VSNL1: variants seen among roughly 807,000 people sequenced by gnomAD.
VSNL1 encodes the protein visinin-like protein 1.
Under a neutral mutation model 20.4 loss-of-function variants are expected in VSNL1, and 6 were observed. The observed-to-expected ratio is 0.29, with a 90% CI of 0.16 to 0.58. VSNL1 has a LOEUF of 0.58. Among genes scored for constraint, VSNL1 ranks in the 20% least tolerant of loss-of-function variants. The pLI is 0.90. For synonymous variants in VSNL1, 93 were observed against 86.4 expected, an observed-to-expected ratio of 1.08 and a Z score of -0.42; for missense variants, 100 against 234.5, an observed-to-expected ratio of 0.43 and a Z score of 3.75.
chr2:17,628,399 T>C (rs1199589149), intron 2 of VSNL1, among the ~76,000 whole-genome samples: 1 of 151,936 alleles, frequency 6.6e-6, no homozygotes, highest in African/African-American at 2.4e-5. Flanking sequence ...GGACCTAATT[T>C]TGAAGGTCCT....
At chr2:17,580,497 G>A (rs1328766515) in intron 1 of VSNL1, among the ~76,000 whole-genome samples, 4 of 152,138 alleles carry the variant, frequency 2.6e-5, no homozygotes, top group Admixed American at 2.0e-4. Context: ...CAGGTTCATG[G>A]GACCACACCT....
At chr2:17,548,460 A>C (rs920204938) in intron 1 of VSNL1, among the ~76,000 whole-genome samples, 1 of 152,162 alleles carries the variant, frequency 6.6e-6, no homozygotes, top group Non-Finnish European at 1.5e-5. Flanking sequence ...GATTCATAGA[A>C]TTGAGTAGGG....
chr2:17,652,766 T>C (rs1572226133), intron 3 of VSNL1, among the ~76,000 whole-genome samples: 2 of 152,230 alleles, frequency 1.3e-5, no homozygotes, highest in Non-Finnish European at 2.9e-5. Flanking sequence ...CAGATAAACA[T>C]TGAGGAGTCC....
chr2:17,561,270 T>G (rs1663807976), intron 1 of VSNL1, among the ~76,000 whole-genome samples: 1 of 152,108 alleles, frequency 6.6e-6, no homozygotes, highest in South Asian at 2.1e-4. Context: ...AGAGACAAAG[T>G]GGCATTTGTG....
intron 1 of VSNL1, among the ~76,000 whole-genome samples, chr2:17,577,743 G>GA (rs1043954178): frequency 3.3e-5 from 5 of 152,086 alleles, no homozygotes; most frequent in Non-Finnish European, 4.4e-5. Flanking sequence ...CTCACTTGGG[G>GA]AAAAAAATGT....
chr2:17,562,395 A>C (rs567326127), intron 1 of VSNL1, among the ~76,000 whole-genome samples: 2 of 152,226 alleles, frequency 1.3e-5, no homozygotes, highest in African/African-American at 4.8e-5. Flanking sequence ...CGACAGACCA[A>C]ATTTTATTTT....
chr2:17,633,209 A>G (rs1665675999), intron 2 of VSNL1, among the ~76,000 whole-genome samples: 1 of 152,090 alleles, frequency 6.6e-6, no homozygotes, highest in Non-Finnish European at 1.5e-5. Context: ...AGGCTTATTC[A>G]CTATCATGAG....
chr2:17,588,628 C>G (rs1336171838), intron 1 of VSNL1, among the ~76,000 whole-genome samples: 1 of 152,166 alleles, frequency 6.6e-6, no homozygotes, highest in Non-Finnish European at 1.5e-5. Flanking sequence ...TCATTTATCA[C>G]ACATTACTAA....
intron 3 of VSNL1, among the ~76,000 whole-genome samples, chr2:17,654,546 T>C (rs761027362): frequency 2.4e-4 from 37 of 152,136 alleles, no homozygotes; most frequent in Non-Finnish European, 4.6e-4. Flanking sequence ...CCTGAACCTA[T>C]TCCTAATCCA....
intron 2 of VSNL1, among the ~76,000 whole-genome samples, chr2:17,623,586 C>T (rs967567488): frequency 4.8e-5 from 7 of 144,604 alleles, no homozygotes; most frequent in South Asian, 2.2e-4. Flanking sequence ...AGGAGAATGG[C>T]GTGAACCTGG....
chr2:17,593,855 CTATTT>C (rs1664651163), intron 2 of VSNL1, among the ~76,000 whole-genome samples: 1 of 152,140 alleles, frequency 6.6e-6, no homozygotes, highest in South Asian at 2.1e-4. Flanking sequence ...GTCATGTCTT[CTATTT>C]TATCACCTAG....
intron 2 of VSNL1, among the ~76,000 whole-genome samples, chr2:17,627,606 T>A (rs1665541874): frequency 6.6e-6 from 1 of 152,138 alleles, no homozygotes; most frequent in African/African-American, 2.4e-5. Context: ...TTGAAGCCGT[T>A]GTCTTGTGCT....
chr2:17,588,787 C>A (rs564094864), intron 1 of VSNL1, among the ~76,000 whole-genome samples: 14 of 152,298 alleles, frequency 9.2e-5, no homozygotes, highest in African/African-American at 3.4e-4. Context: ...CATCTGCCAA[C>A]TGCATTTTAT....
chr2:17,574,098 T>C (rs1471964726), intron 1 of VSNL1, among the ~76,000 whole-genome samples: 1 of 152,206 alleles, frequency 6.6e-6, no homozygotes, highest in Non-Finnish European at 1.5e-5. Flanking sequence ...GTAATTTCCA[T>C]TGACTTCAAG....
intron 1 of VSNL1, among the ~76,000 whole-genome samples, chr2:17,557,275 A>G (rs62131467): frequency 0.024 from 3,665 of 152,282 alleles, 44 homozygotes; most frequent in Middle Eastern, 0.054. Flanking sequence ...CCTTGTTTTT[A>G]TATTCACTAT....
Position 17,631,501 on chromosome 2 carries a change from T to C in VSNL1, c.163-17909T>C, listed in dbSNP as rs186218964. Among the ~76,000 whole-genome samples, 5 of 152,360 alleles carry C rather than the reference T, an allele frequency of 3.3e-5. No individual in the cohort carries two copies. In the East Asian group the frequency reaches 9.6e-4, roughly 29 times the overall value. On this transcript the variant is annotated intron_variant, in intron 2 of 3. Coordinates refer to ENST00000295156, the MANE Select transcript of VSNL1 (RefSeq NM_003385.5). ...ATCACACATTAGCACTCTGGTTAAC[T>C]ATTGGATGGTGGTTTGACAATATGG...
chr2:17,564,104 GA>G (rs1236118678), intron 1 of VSNL1, among the ~76,000 whole-genome samples: 1 of 152,130 alleles, frequency 6.6e-6, no homozygotes, highest in African/African-American at 2.4e-5. Flanking sequence ...AAATGAATTA[GA>G]AAGGAGAGGT....
chr2:17,579,892 A>C (rs1376902778), intron 1 of VSNL1, among the ~76,000 whole-genome samples: 2 of 152,162 alleles, frequency 1.3e-5, no homozygotes, highest in Non-Finnish European at 2.9e-5. Context: ...GGCTCATTCT[A>C]TTTAGCTCTG....
intron 2 of VSNL1, among the ~76,000 whole-genome samples, chr2:17,606,534 G>A (rs1232821628): frequency 6.6e-6 from 1 of 152,224 alleles, no homozygotes; most frequent in Non-Finnish European, 1.5e-5. Flanking sequence ...CACTGGAGTT[G>A]AGTCAGAAGA....
Sources: allele counts gnomAD v4.1 joint callset (sites outside exome capture counted in the v4.1 genomes callset), GRCh38; gene constraint gnomAD v4.1.1; transcripts MANE v1.5; gene names NCBI Gene and HGNC (gene_info 2026-07-23, HGNC 2026-07-21).